The following TMEM196 variants were observed in gnomAD, a reference collection of about 807,000 sequenced individuals.
The protein encoded by TMEM196 is transmembrane protein 196.
TMEM196 carries 17 observed loss-of-function variants against 20.0 expected under a neutral mutation model. That is an observed-to-expected ratio of 0.85 (90% confidence interval 0.58 to 1.27). The LOEUF is 1.27. Among genes scored for constraint, TMEM196 ranks in the 50% most tolerant of loss-of-function variants. The pLI, the probability that TMEM196 is intolerant of heterozygous loss-of-function variation, is 0.00. For synonymous variants in TMEM196, 113 were observed against 88.9 expected (o/e 1.27, Z -1.52); for missense variants, 267 against 223.0 (o/e 1.20, Z -1.26).
At chr7:19,751,114 C>T (rs557874634) in intron 1 of TMEM196, among the ~76,000 whole-genome samples, 1 of 152,202 alleles carries the variant, frequency 6.6e-6, no homozygotes, top group Non-Finnish European at 1.5e-5. Context: ...TTCCACTAAA[C>T]CATGTGAAGA....
intron 1 of TMEM196, among the ~76,000 whole-genome samples, chr7:19,768,667 G>T (rs1279029501): frequency 6.6e-6 from 1 of 152,020 alleles, no homozygotes; most frequent in East Asian, 1.9e-4. Context: ...TGCTTTCATT[G>T]TAGATGACCA....
intron 1 of TMEM196, among the ~76,000 whole-genome samples, chr7:19,761,089 G>T (rs1785416860): frequency 6.6e-6 from 1 of 152,112 alleles, no homozygotes; most frequent in African/African-American, 2.4e-5. Context: ...CACTCCCTGG[G>T]CTCACAATCC....
At chr7:19,751,449 A>G (rs956694437) in intron 1 of TMEM196, among the ~76,000 whole-genome samples, 4 of 152,240 alleles carry the variant, frequency 2.6e-5, no homozygotes, top group African/African-American at 9.6e-5. Context: ...TTGGAGTCAG[A>G]CAGACATGTG....
At chr7:19,750,981 C>T (rs1373986984) in intron 1 of TMEM196, among the ~76,000 whole-genome samples, 4 of 152,064 alleles carry the variant, frequency 2.6e-5, no homozygotes, top group Non-Finnish European at 4.4e-5. Context: ...GTAATGCATT[C>T]GAAGTTTCTC....
At chr7:19,766,527 T>C (rs1177101711) in intron 1 of TMEM196, among the ~76,000 whole-genome samples, 1 of 150,940 alleles carries the variant, frequency 6.6e-6, no homozygotes, top group East Asian at 1.9e-4. Flanking sequence ...TGTATATATA[T>C]ATAAAATATA....
intron 1 of TMEM196, among the ~76,000 whole-genome samples, chr7:19,752,848 C>T (rs1046017125): frequency 2.0e-5 from 3 of 151,888 alleles, no homozygotes; most frequent in Admixed American, 2.0e-4. Flanking sequence ...CTCCTGACCT[C>T]GTGATCCACC....
intron 1 of TMEM196, among the ~76,000 whole-genome samples, chr7:19,765,679 G>C (rs1003359758): frequency 9.2e-5 from 14 of 152,064 alleles, no homozygotes; most frequent in Non-Finnish European, 5.9e-5. Context: ...CTTTATGATA[G>C]AGTTTCTACC....
At chr7:19,764,785 T>G (rs73682826) in intron 1 of TMEM196, among the ~76,000 whole-genome samples, 3,270 of 152,216 alleles carry the variant, frequency 0.021, 118 homozygotes, top group African/African-American at 0.076. Context: ...ACATGGAGGT[T>G]GTGCTTGTTG....
intron 1 of TMEM196, among the ~76,000 whole-genome samples, chr7:19,739,337 T>C (rs1466808738): frequency 6.6e-6 from 1 of 152,118 alleles, no homozygotes; most frequent in Non-Finnish European, 1.5e-5. Flanking sequence ...AAATAAATTG[T>C]GTAATATAAG....
At chr7:19,722,991 C>T (rs1394244718) in intron 4 of TMEM196, among the ~76,000 whole-genome samples, 1 of 151,876 alleles carries the variant, frequency 6.6e-6, no homozygotes, top group Admixed American at 6.6e-5. Flanking sequence ...CAGCATCTTT[C>T]CATGCTTGAA....
chr7:19,747,668 A>G (rs531245028), intron 1 of TMEM196, among the ~76,000 whole-genome samples: 1 of 152,338 alleles, frequency 6.6e-6, no homozygotes, highest in South Asian at 2.1e-4. Flanking sequence ...GGAATTTTTC[A>G]ATTATGATTT....
At chr7:19,757,162 A>G (rs913945095) in intron 1 of TMEM196, among the ~76,000 whole-genome samples, 1 of 146,110 alleles carries the variant, frequency 6.8e-6, no homozygotes, top group Non-Finnish European at 1.5e-5. Flanking sequence ...TGCATCTTAT[A>G]TTGCAGTAGA....
At chr7:19,724,147 G>C in intron 4 of TMEM196, 133 bp downstream of exon 4, 1 of 808,582 alleles carries the variant, frequency 1.2e-6, no homozygotes, top group Non-Finnish European at 2.0e-6. Flanking sequence ...AAGCGCTTAC[G>C]AAAGCGATAC....
chr7:19,744,388 C>A (rs1398919294), intron 1 of TMEM196, among the ~76,000 whole-genome samples: 1 of 152,062 alleles, frequency 6.6e-6, no homozygotes, highest in Non-Finnish European at 1.5e-5. Context: ...CTCTACAGAG[C>A]CAGACAATAG....
At chr7:19,766,518 G>T (rs13231036) in intron 1 of TMEM196, among the ~76,000 whole-genome samples, 3 of 150,226 alleles carry the variant, frequency 2.0e-5, no homozygotes, top group African/African-American at 4.9e-5. Context: ...GTGTGTATGT[G>T]TATATATATA....
Position 19,729,368 on chromosome 7 carries a change from A to C in TMEM196, c.204+14T>G, listed in dbSNP as rs906454420. The C allele has an allele frequency of 6.4e-7, 1 of 1,550,392 alleles. No individual in the cohort carries two copies. Among genetic ancestry groups the C allele is most frequent in the Non-Finnish European group, 8.7e-7 (1 of 1,146,534 alleles). Reference sequence around the variant, plus strand: ...TACACCTCAATGCACAATACAAACAAATCAAACACTTACGACAAGTCCTGA... The same window carrying C: ...TACACCTCAATGCACAATACAAACACATCAAACACTTACGACAAGTCCTGA... On this transcript the variant is annotated intron_variant, in intron 2 of 4. Transcript: ENST00000405844.
At chr7:19,768,652 T>G (rs902414601) in intron 1 of TMEM196, among the ~76,000 whole-genome samples, 3 of 152,166 alleles carry the variant, frequency 2.0e-5, no homozygotes, top group African/African-American at 7.2e-5. Flanking sequence ...ATGCCTCTGA[T>G]TTTGTGCTTT....
At chr7:19,760,823 C>G (rs1373334172) in intron 1 of TMEM196, among the ~76,000 whole-genome samples, 1 of 152,064 alleles carries the variant, frequency 6.6e-6, no homozygotes, top group African/African-American at 2.4e-5. Flanking sequence ...ACACAGTAGC[C>G]GTGGAATCAA....
intron 3 of TMEM196, among the ~76,000 whole-genome samples, chr7:19,725,203 G>T (rs969693043): frequency 6.6e-6 from 1 of 152,072 alleles, no homozygotes; most frequent in African/African-American, 2.4e-5. Context: ...AGTGGAGAGT[G>T]TATTTAGTAT....
Sources: allele counts gnomAD v4.1 joint callset (sites outside exome capture counted in the v4.1 genomes callset), GRCh38; gene constraint gnomAD v4.1.1; transcripts MANE v1.5; gene names NCBI Gene and HGNC (gene_info 2026-07-23, HGNC 2026-07-21).